LTN1: variants seen among roughly 807,000 people sequenced by gnomAD.
LTN1 encodes listerin E3 ubiquitin protein ligase 1, also known as E3 ubiquitin-protein ligase listerin.
In LTN1, 88 loss-of-function variants were observed where a neutral mutation model predicts 201.2. That is an observed-to-expected ratio of 0.44 (90% CI 0.37 to 0.52). The LOEUF (loss-of-function observed/expected upper bound fraction) is 0.52. Among genes scored for constraint, LTN1 ranks in the 20% least tolerant of loss-of-function variants. The probability of loss-of-function intolerance (pLI) is 0.00; values close to 1 mark genes in which losing one functional copy is unlikely to be tolerated. For synonymous variants in LTN1, 645 were observed against 713.5 expected, an observed-to-expected ratio of 0.90 and a Z score of 1.53; for missense variants, 1,752 against 2,038.7, an observed-to-expected ratio of 0.86 and a Z score of 2.71.
intron 21 of LTN1, 90 bp from the exon 22 acceptor site, chr21:28,944,686 T>G (rs1036465414): frequency 3.3e-6 from 3 of 915,622 alleles, no homozygotes; most frequent in African/African-American, 1.7e-5. Flanking sequence ...CCACTTTCAT[T>G]TCTTTGAATT....
At chr21:28,983,795 A>T (rs988571127) in intron 4 of LTN1, among the ~76,000 whole-genome samples, 3 of 152,234 alleles carry the variant, frequency 2.0e-5, no homozygotes, top group Non-Finnish European at 4.4e-5. Flanking sequence ...AAATGCAAGC[A>T]TAGATTTTTT....
chr21:28,977,200 C>A (rs556317057), intron 6 of LTN1, among the ~76,000 whole-genome samples: 1 of 151,508 alleles, frequency 6.6e-6, no homozygotes, highest in Non-Finnish European at 1.5e-5. Flanking sequence ...ACGGCAAAAC[C>A]CTGTCTCTAC....
Position 28,933,823 on chromosome 21 carries a change from C to T in LTN1, c.4876-1159G>A, listed in dbSNP as rs542321867. On this transcript the variant is annotated intron_variant, in intron 27 of 29. Transcript: ENST00000361371. ...TCCCGAGTAGCTGGGATTACAGGCACGTGCCACCACACCTGGCTAATTTTG... is the reference window on the plus strand; with the variant it reads ...TCCCGAGTAGCTGGGATTACAGGCATGTGCCACCACACCTGGCTAATTTTG... Among the ~76,000 whole-genome samples, 43 of 152,078 alleles carry T rather than the reference C, an allele frequency of 2.8e-4. 1 individual carries two copies. The highest frequency in any genetic ancestry group is 6.8e-3 in the Middle Eastern group (2 of 294).
At chr21:28,959,777 T>C in intron 12 of LTN1, 80 bp from the exon 13 acceptor site, 1 of 1,193,524 alleles carries the variant, frequency 8.4e-7, no homozygotes, top group Non-Finnish European at 1.1e-6. Context: ...GGATTAATAA[T>C]TCTATGGGTC....
intron 18 of LTN1, among the ~76,000 whole-genome samples, chr21:28,951,808 C>T (rs1256157077): frequency 1.3e-5 from 2 of 151,802 alleles, no homozygotes; most frequent in South Asian, 4.2e-4. Flanking sequence ...ACCATCCCTA[C>T]AAAATTAAAA....
In LTN1 at chr21:28,936,596, C is replaced by G; in HGVS notation, c.4584G>C (p.Glu1528Asp). ...CCTTATTTGGGACCTCAACTGCTGT[C>G]TCTGCATAGGTTGGATTTTCTGGCA... ...RLMPENPTYA[E>D]TAVEVPNKDP... The change falls in exon 26 of 30, where the codon GAG becomes GAC. Residue 1528 changes from glutamate to aspartate, a missense_variant. Glu to Asp is a conservative substitution (Grantham distance 45, BLOSUM62 2). Around this residue, in one of 3 missense-constraint regions of LTN1, gnomAD observed 261 missense variants for 350.1 expected, o/e 0.75. Transcript: ENST00000361371. 1 of 1,613,972 alleles carries G rather than the reference C, an allele frequency of 6.2e-7. No individual in the cohort carries two copies. Among genetic ancestry groups the G allele is most frequent in the Non-Finnish European group, 8.5e-7 (1 of 1,179,902 alleles).
At chr21:28,974,825 T>C (rs2084602630) in intron 6 of LTN1, among the ~76,000 whole-genome samples, 2 of 152,204 alleles carry the variant, frequency 1.3e-5, no homozygotes, top group Admixed American at 1.3e-4. Flanking sequence ...TTTAGAGATA[T>C]GAGTCTAACT....
intron 16 of LTN1, among the ~76,000 whole-genome samples, chr21:28,955,814 T>C (rs1412109038): frequency 1.3e-5 from 2 of 150,158 alleles, no homozygotes; most frequent in African/African-American, 4.9e-5. Flanking sequence ...TCCCATCTAC[T>C]TGGGAGGTTG....
chr21:28,932,795 G>A, intron 27 of LTN1, 131 bp from the exon 28 acceptor site: 1 of 591,588 alleles, frequency 1.7e-6, no homozygotes, highest in Non-Finnish European at 2.9e-6. Flanking sequence ...TCACTTATCT[G>A]ACATGAGATA....
rs1340817135 is a variant in LTN1 at position 28,930,320 on chromosome 21, A to G, written c.*128T>C. 2 of 580,102 alleles carry G rather than the reference A, an allele frequency of 3.4e-6. No individual in the cohort carries two copies. The highest frequency in any genetic ancestry group is 3.8e-5 in the African/African-American group (2 of 52,230). 35.9% of individuals were successfully genotyped at this position (580,102 alleles called of 1,614,324 possible). A position where few individuals can be genotyped will look rare whatever the true frequency, so the allele number is the denominator to read the frequency against. On this transcript the variant is annotated 3_prime_UTR_variant, in exon 30 of 30. Transcript: ENST00000361371. Reference sequence around the variant, plus strand: ...TTAGGATTATTACATTAACCAAAATAATTTTCCAGAGAAGGTCCTATTTAA... The same window carrying G: ...TTAGGATTATTACATTAACCAAAATGATTTTCCAGAGAAGGTCCTATTTAA...
chr21:28,947,181 T>G (rs2084344239), intron 19 of LTN1, among the ~76,000 whole-genome samples: 1 of 152,228 alleles, frequency 6.6e-6, no homozygotes, highest in Non-Finnish European at 1.5e-5. Context: ...ATATGTTCAA[T>G]CATTGATTGG....
At chr21:28,992,464 C>A (rs2084754744) in intron 1 of LTN1, among the ~76,000 whole-genome samples, 1 of 152,216 alleles carries the variant, frequency 6.6e-6, no homozygotes, top group Admixed American at 6.5e-5. Flanking sequence ...CAACCCGCTA[C>A]CTCGGCCAGA....
intron 8 of LTN1, 33 bp from the exon 9 acceptor site, chr21:28,969,634 C>T (rs776842097): frequency 1.3e-6 from 2 of 1,515,320 alleles, no homozygotes; most frequent in East Asian, 4.6e-5. Flanking sequence ...ATTACTCTTT[C>T]ATGAAGAAGA....
At chr21:28,964,902 A>G in intron 11 of LTN1, 1 of 1,199,704 alleles carries the variant, frequency 8.3e-7, no homozygotes, top group Non-Finnish European at 1.1e-6. Flanking sequence ...AAGGCACTAG[A>G]TAAACTAAGG....
At chr21:28,964,796 T>C (rs1423959494) in intron 11 of LTN1, 1 of 1,523,246 alleles carries the variant, frequency 6.6e-7, no homozygotes, top group Non-Finnish European at 8.9e-7. Context: ...ATTAGTCTAC[T>C]CTTATCAAAT....
chr21:28,928,310 A>G lies in LTN1; in HGVS notation c.*2138T>C, dbSNP rs1274629364. ...GCACATATGGTATAACAATCAAATA[A>G]TAACATTAATTACTTGCACCACAAA... On this transcript the variant is annotated 3_prime_UTR_variant, in exon 30 of 30. Transcript: ENST00000361371. 6.6e-6 allele frequency: 1 copy of G among 152,646 alleles called. No individual in the cohort carries two copies. The highest frequency in any genetic ancestry group is 1.5e-5 in the Non-Finnish European group (1 of 68,030). The allele number at this position is 152,646 out of a possible 1,614,324, so 9.5% of individuals were successfully genotyped here.
chr21:28,966,250 G>C lies in LTN1; in HGVS notation c.2121+120C>G, dbSNP rs1310772637. Reference sequence around the variant, plus strand: ...TAGATACTTCCCAAATCATGATCAAGAATATATTGCTTGTCCTAAAATTGA... The same window carrying C: ...TAGATACTTCCCAAATCATGATCAACAATATATTGCTTGTCCTAAAATTGA... On this transcript the variant is annotated intron_variant, in intron 10 of 29. Transcript: ENST00000361371. 5 of 828,958 alleles carry C rather than the reference G, an allele frequency of 6.0e-6. No homozygotes were observed. In the East Asian group the frequency reaches 1.3e-4, roughly 22 times the overall value. 51.4% of individuals were successfully genotyped at this position (828,958 alleles called of 1,614,324 possible). A position where few individuals can be genotyped will look rare whatever the true frequency, so the allele number is the denominator to read the frequency against.
intron 26 of LTN1, 152 bp downstream of exon 26, chr21:28,936,374 T>C: frequency 3.7e-6 from 2 of 534,962 alleles, no homozygotes; most frequent in South Asian, 4.7e-5. Context: ...TTATTCATCC[T>C]ATTTAGAGAA....
chr21:28,952,894 G>A (rs1312423625), intron 17 of LTN1, among the ~76,000 whole-genome samples: 1 of 152,168 alleles, frequency 6.6e-6, no homozygotes, highest in Non-Finnish European at 1.5e-5. Context: ...CAACATGTAA[G>A]ATAAAGGATG....
Sources: gnomAD v4.1 joint callset for allele counts (sites outside exome capture counted in the v4.1 genomes callset) on GRCh38, gnomAD v4.1.1 for gene constraint, gnomAD v4.1.1 regional missense constraint, MANE v1.5 for transcripts, NCBI Gene and HGNC (gene_info 2026-07-23, HGNC 2026-07-21) for gene names.